IAH1: variants seen among roughly 807,000 people sequenced by gnomAD.
IAH1 encodes isoamyl acetate hydrolyzing esterase 1 (putative), also known as isoamyl acetate-hydrolyzing esterase 1 homolog.
A neutral mutation model predicts 26.7 loss-of-function variants in IAH1; 24 were observed. That is an observed-to-expected ratio of 0.90 (90% CI 0.65 to 1.26). The LOEUF (loss-of-function observed/expected upper bound fraction) is 1.26. IAH1 is among the 50% of genes most tolerant of loss of function. The pLI, the probability that IAH1 is intolerant of heterozygous loss-of-function variation, is 0.00. For missense variants in IAH1, 300 were observed against 299.9 expected, an observed-to-expected ratio of 1.00 and a Z score of 0.00; for synonymous variants, 140 against 118.5, an observed-to-expected ratio of 1.18 and a Z score of -1.18.
the IAH1 span, chr2:9,505,042 G>C: frequency 9.4e-7 from 1 of 1,068,088 alleles, no homozygotes; most frequent in East Asian, 2.6e-5. Flanking sequence ...AAAAGAGGTA[G>C]ATGTAAACAA....
intron 2 of IAH1, among the ~76,000 whole-genome samples, chr2:9,477,198 G>A (rs1660861476): frequency 6.6e-6 from 1 of 152,178 alleles, no homozygotes; most frequent in African/African-American, 2.4e-5. Context: ...TTTGAGCAGT[G>A]TCAGAAAGTG....
chr2:9,484,508 G>A lies in IAH1; in HGVS notation c.522G>A (p.Gly174=). ...GTTTACAAGTGGCCCAAGACTGTGGGACTGACGTACTTGACCTGTGGACCC... is the reference window on the plus strand; with the variant it reads ...GTTTACAAGTGGCCCAAGACTGTGGAACTGACGTACTTGACCTGTGGACCC... ...NACLQVAQDC[G]TDVLDLWTLM... is the part of the protein sequence containing the mutation. The change falls in exon 5 of 6, where the codon GGG becomes GGA. Residue 174 remains glycine, a synonymous_variant. Coordinates refer to ENST00000497473, the MANE Select transcript of IAH1 (RefSeq NM_001039613.3). 6.2e-7 allele frequency: 1 copy of A among 1,614,148 alleles called. No homozygotes were observed. Among genetic ancestry groups the A allele is most frequent in the South Asian group, 1.1e-5 (1 of 91,068 alleles).
intron 6 of IAH1, among the ~76,000 whole-genome samples, chr2:9,495,727 A>C (rs1310806361): frequency 6.8e-6 from 1 of 147,318 alleles, no homozygotes; most frequent in Non-Finnish European, 1.5e-5. Flanking sequence ...AAAAAAAAGA[A>C]AACCTTTTCA....
downstream of IAH1, chr2:9,494,521 C>A: frequency 1.6e-6 from 2 of 1,220,008 alleles, no homozygotes; most frequent in South Asian, 2.9e-5. Flanking sequence ...AACAATGGGC[C>A]AGAAGGATGT....
chr2:9,505,432 G>C, the IAH1 span: 2 of 1,487,990 alleles, frequency 1.3e-6, no homozygotes, highest in Non-Finnish European at 1.9e-6. Context: ...TGCAATGTTT[G>C]TGTCTTCTCT....
intron 4 of IAH1, among the ~76,000 whole-genome samples, chr2:9,483,436 G>C (rs1356394236): frequency 1.3e-5 from 2 of 152,118 alleles, no homozygotes; most frequent in African/African-American, 4.8e-5. Flanking sequence ...TGTAGGGATG[G>C]GGTAGCTAGT....
chr2:9,479,599 A>G (rs944203957), intron 3 of IAH1, among the ~76,000 whole-genome samples: 2 of 152,182 alleles, frequency 1.3e-5, no homozygotes, highest in Non-Finnish European at 2.9e-5. Flanking sequence ...GAAAAGCAAT[A>G]TGAAGCAGTA....
intron 5 of IAH1, among the ~76,000 whole-genome samples, chr2:9,487,788 T>G (rs890662782): frequency 1.7e-4 from 23 of 134,028 alleles, no homozygotes; most frequent in African/African-American, 4.6e-4. Context: ...CCCGGCCTTT[T>G]TGTGTGTGTG....
At chr2:9,497,279 A>G (rs1361425738), downstream of IAH1, 3 of 1,612,592 alleles carry the variant, frequency 1.9e-6, no homozygotes, top group Non-Finnish European at 2.5e-6. Context: ...TAACAAAAAG[A>G]ATGAGTCACA....
chr2:9,491,252 A>G, downstream of IAH1: 7 of 1,089,226 alleles, frequency 6.4e-6, no homozygotes, highest in Non-Finnish European at 9.4e-6. Context: ...AAGAACTTAG[A>G]ACCTGAGTTG....
chr2:9,499,293 A>C (rs969079208), downstream of IAH1, among the ~76,000 whole-genome samples: 7 of 152,142 alleles, frequency 4.6e-5, no homozygotes, highest in Admixed American at 4.6e-4. Flanking sequence ...ATTTAAAAGA[A>C]AGCATTTTTC....
intron 4 of IAH1, among the ~76,000 whole-genome samples, chr2:9,483,844 A>G (rs1011132008): frequency 9.8e-5 from 15 of 152,352 alleles, no homozygotes; most frequent in Middle Eastern, 3.4e-3. Flanking sequence ...TATTCCTGCA[A>G]CTAGGTAGGC....
chr2:9,493,888 G>T, downstream of IAH1: 1 of 1,407,244 alleles, frequency 7.1e-7, no homozygotes, highest in Non-Finnish European at 9.9e-7. Context: ...AAGCAATGTA[G>T]CTTTATAAAA....
intron 3 of IAH1, 129 bp from the exon 4 acceptor site, chr2:9,481,157 T>C: frequency 1.0e-6 from 1 of 967,442 alleles, no homozygotes; most frequent in East Asian, 2.4e-5. Context: ...ACCTTCTCTT[T>C]GTGTCCTTGG....
At chr2:9,475,457 C>CT (rs1682428795) in intron 1 of IAH1, among the ~76,000 whole-genome samples, 1 of 151,098 alleles carries the variant, frequency 6.6e-6, no homozygotes, top group Non-Finnish European at 1.5e-5. Context: ...TGACCTTTGA[C>CT]TTTATTTCCT....
chr2:9,484,663 C>G (rs1558481888), intron 5 of IAH1, 113 bp downstream of exon 5: 1 of 702,656 alleles, frequency 1.4e-6, no homozygotes, highest in East Asian at 2.8e-5. Flanking sequence ...ACAGTCATCC[C>G]TTTAGCCAAT....
the IAH1 span, among the ~76,000 whole-genome samples, chr2:9,507,234 A>C: frequency 0.52 from 78,784 of 151,982 alleles, 21,340 homozygotes; most frequent in Middle Eastern, 0.67. Flanking sequence ...TCATGCCTGT[A>C]ATCCCAGCAC....
chr2:9,474,916 C>T lies in IAH1; in HGVS notation c.81+269C>T. ...ACCCGGCCGCGCTGCCCGCCCCGCG[C>T]CGCCTCCCACCCGGGTCGAGATGCG... On this transcript the variant is annotated intron_variant, in intron 1 of 5. Coordinates refer to ENST00000497473, the MANE Select transcript of IAH1 (RefSeq NM_001039613.3). The surrounding 1 kb of genome is among the most constrained non-coding windows in gnomAD (Gnocchi z 4.3). 4 of 726,974 alleles carry T rather than the reference C, an allele frequency of 5.5e-6. No individual in the cohort carries two copies. Among genetic ancestry groups the T allele is most frequent in the Middle Eastern group, 5.5e-4 (1 of 1,834 alleles). The allele number at this position is 726,974 out of a possible 1,614,324, so 45.0% of individuals were successfully genotyped here. A position where few individuals can be genotyped will look rare whatever the true frequency, so the allele number is the denominator to read the frequency against.
chr2:9,506,895 A>G, the IAH1 span: 1 of 152,172 alleles, frequency 6.6e-6, no homozygotes, highest in Non-Finnish European at 1.5e-5. Flanking sequence ...AAAAGGACCA[A>G]CCCGCAACTC....
Sources: allele counts gnomAD v4.1 joint callset (sites outside exome capture counted in the v4.1 genomes callset), GRCh38; gene constraint gnomAD v4.1.1; non-coding constraint Gnocchi (gnomAD v3.1); transcripts MANE v1.5; gene names NCBI Gene and HGNC (gene_info 2026-07-23, HGNC 2026-07-21).